MYOCD: variants seen among roughly 807,000 people sequenced by gnomAD.
MYOCD encodes myocardin.
In MYOCD, 32 loss-of-function variants were observed where a neutral mutation model predicts 96.1. That is an observed-to-expected ratio of 0.33 (90% confidence interval 0.25 to 0.45). The LOEUF is 0.45. MYOCD is among the 20% of genes least tolerant of loss of function. The pLI is 1.00. For synonymous variants in MYOCD, 469 were observed against 469.0 expected (o/e 1.00, Z 0.00); for missense variants, 1,133 against 1,200.6 (o/e 0.94, Z 0.83).
intron 1 of MYOCD, among the ~76,000 whole-genome samples, chr17:12,675,203 C>T (rs534648257): frequency 6.6e-6 from 1 of 152,236 alleles, no homozygotes; most frequent in Admixed American, 6.5e-5. Flanking sequence ...TTTTTAAAAA[C>T]TTCAAATTAG....
intron 1 of MYOCD, among the ~76,000 whole-genome samples, chr17:12,699,893 T>A (rs1217379624): frequency 8.4e-4 from 54 of 64,208 alleles, no homozygotes; most frequent in African/African-American, 1.5e-3. Context: ...TATATATTTC[T>A]TTTTTTTTTT....
In MYOCD at chr17:12,716,583, G is replaced by A. The variant is rs145648746; in HGVS notation, c.178-763G>A. Among the ~76,000 whole-genome samples the A allele has an allele frequency of 2.9e-4, 44 of 152,286 alleles. 1 individual carries two copies. The East Asian group carries it at 4.4e-3, about 15-fold the overall frequency. On this transcript the variant is annotated intron_variant, in intron 3 of 13. Coordinates refer to ENST00000425538, the MANE Select transcript of MYOCD (RefSeq NM_001146312.3). ...TTACATTTTCACATGTCCTAAAAGAGAAGTCAAGCGAATAACGGGAAAGAG... is the reference window on the plus strand; with the variant it reads ...TTACATTTTCACATGTCCTAAAAGAAAAGTCAAGCGAATAACGGGAAAGAG...
At chr17:12,669,651 C>T (rs2150625151) in intron 1 of MYOCD, among the ~76,000 whole-genome samples, 1 of 152,062 alleles carries the variant, frequency 6.6e-6, no homozygotes, top group Non-Finnish European at 1.5e-5. Context: ...CGGAGTCTCG[C>T]TCTGTTGCCC....
chr17:12,691,757 C>T (rs191858967), intron 1 of MYOCD, among the ~76,000 whole-genome samples: 1 of 152,176 alleles, frequency 6.6e-6, no homozygotes, highest in Non-Finnish European at 1.5e-5. Flanking sequence ...TTGGAACTTA[C>T]ACTCATGAGA....
At position 12,691,694 on chromosome 17, in the gene MYOCD, G is replaced by A. The variant is rs573690270; in HGVS notation, c.56-13434G>A. Among the ~76,000 whole-genome samples, 18 of 152,184 alleles carry A rather than the reference G, an allele frequency of 1.2e-4. No homozygotes were observed. The South Asian group carries it at 3.3e-3, about 28-fold the overall frequency. ...ATGGAAGAAATACATTAAAACACAA[G>A]GTATAATATGACTAAAGTTACTGTT... On this transcript the variant is annotated intron_variant, in intron 1 of 13. Transcript: ENST00000425538.
chr17:12,723,331 AGC>A (rs2031902755), intron 5 of MYOCD, among the ~76,000 whole-genome samples: 1 of 152,160 alleles, frequency 6.6e-6, no homozygotes, highest in South Asian at 2.1e-4. Flanking sequence ...GGTCCTGTTT[AGC>A]CTTCCTTGTT....
In MYOCD at chr17:12,763,449, C is replaced by T. The variant is rs1296629513; in HGVS notation, c.2766C>T (p.Asp922=). The change falls in exon 14 of 14, where the codon GAC becomes GAT. Residue 922 remains aspartate, a synonymous_variant. Transcript: ENST00000425538. ...CACAGTTTTCACCCTCTTCTGTGGA[C>T]AGCAATGGGCTGCAGTTAAGCTTCA... is the stretch of plus-strand genomic sequence containing the variant. ...MQTQFSPSSV[D]SNGLQLSFTE... is the part of the protein sequence containing the mutation. The T allele has an allele frequency of 1.9e-5, 30 of 1,613,916 alleles. No homozygotes were observed. The highest frequency in any genetic ancestry group is 2.5e-5 in the Non-Finnish European group (30 of 1,179,898).
At position 12,763,357 on chromosome 17, in the gene MYOCD, G is replaced by A. The variant is rs2033241774; in HGVS notation, c.2674G>A (p.Gly892Arg). ...TGATGGGATAATGGATGGATTCTCT[G>A]GGAAGGCTGCAGAAGACCTCTTCAA... ...HFDGIMDGFS[G>R]KAAEDLFNAH... Residue 892 changes from glycine (G) to arginine (R), a missense_variant, in exon 14 of 14, where the codon GGG becomes AGG. Gly to Arg is a moderately radical substitution (Grantham distance 125, BLOSUM62 -2). Transcript: ENST00000425538. 1.3e-6 allele frequency: 2 copies of A among 1,598,880 alleles called. No homozygotes were observed. Among genetic ancestry groups the A allele is most frequent in the East Asian group, 2.2e-5 (1 of 44,754 alleles).
intron 1 of MYOCD, among the ~76,000 whole-genome samples, chr17:12,668,982 C>T (rs1284050302): frequency 1.3e-5 from 2 of 152,090 alleles, no homozygotes; most frequent in Non-Finnish European, 2.9e-5. Context: ...CCTTTGGTAA[C>T]ATTTTATCAT....
chr17:12,763,497 G>A lies in MYOCD; in HGVS notation c.2814G>A (p.Met938Ile), dbSNP rs768879738. 9 of 1,614,174 alleles carry A rather than the reference G, an allele frequency of 5.6e-6. No homozygotes were observed. In the South Asian group the frequency reaches 9.9e-5, roughly 18 times the overall value. The change falls in exon 14 of 14, where the codon ATG becomes ATA. Residue 938 changes from methionine (M) to isoleucine (I), a missense_variant. Met to Ile is a conservative substitution (Grantham distance 10). Transcript: ENST00000425538. ...TCACTGAATCTCCCTGGGAAACCAT[G>A]GAGTGGCTGGACCTCACTCCGCCAA... ...LSFTESPWET[M>I]EWLDLTPPNS... is the part of the protein sequence containing the mutation.
At chr17:12,716,600 G>A (rs1385527563) in intron 3 of MYOCD, among the ~76,000 whole-genome samples, 4 of 152,092 alleles carry the variant, frequency 2.6e-5, no homozygotes, top group African/African-American at 9.7e-5. Context: ...AGCGAATAAC[G>A]GGAAAGAGGC....
intron 7 of MYOCD, among the ~76,000 whole-genome samples, chr17:12,740,863 C>G (rs539284491): frequency 6.6e-6 from 1 of 152,254 alleles, no homozygotes; most frequent in South Asian, 2.1e-4. Flanking sequence ...CTCAGCCTCC[C>G]CAGTAGCTGG....
chr17:12,683,019 A>G (rs1910572971), intron 1 of MYOCD, among the ~76,000 whole-genome samples: 1 of 152,208 alleles, frequency 6.6e-6, no homozygotes. Context: ...ACAGGACTGT[A>G]TTAGCGACTT....
At chr17:12,709,787 A>C (rs1453125555) in intron 2 of MYOCD, among the ~76,000 whole-genome samples, 2 of 152,156 alleles carry the variant, frequency 1.3e-5, no homozygotes, top group Non-Finnish European at 2.9e-5. Flanking sequence ...TAGGACAGAG[A>C]GTCCACCTCC....
chr17:12,698,729 CTTTTTTTTTT>C (rs55758881), intron 1 of MYOCD, among the ~76,000 whole-genome samples: 4 of 64,134 alleles, frequency 6.2e-5, no homozygotes, highest in Non-Finnish European at 8.2e-5. Flanking sequence ...ACCAGACCCT[CTTTTTTTTTT>C]TTTTTTTTTT....
chr17:12,756,639 T>A, intron 11 of MYOCD, 82 bp downstream of exon 11: 5 of 1,334,552 alleles, frequency 3.7e-6, no homozygotes, highest in Non-Finnish European at 5.0e-6. Context: ...GAAGTTGCAG[T>A]GAGCCGAGAT....
chr17:12,691,963 C>T (rs2030471696), intron 1 of MYOCD, among the ~76,000 whole-genome samples: 1 of 152,140 alleles, frequency 6.6e-6, no homozygotes, highest in Non-Finnish European at 1.5e-5. Context: ...CTTTTCAATT[C>T]TGTTAATAAT....
At position 12,768,888 on chromosome 17, in the gene MYOCD, C is replaced by CTTTT. The variant is rs368891778; in HGVS notation, c.*5247_*5250dup. The CTTTT allele has an allele frequency of 1.5e-5, 2 of 130,610 alleles. No homozygotes were observed. Among genetic ancestry groups the CTTTT allele is most frequent in the Admixed American group, 7.7e-5 (1 of 12,906 alleles). The allele number at this position is 130,610 out of a possible 1,614,324, so 8.1% of individuals were successfully genotyped here. A position where few individuals can be genotyped will look rare whatever the true frequency, so the allele number is the denominator to read the frequency against. ...TAAAATACCAAAGTTGGCATGTGTT[C>CTTTT]TTTTTTAAAAAAAAAAAAAAATGCA... On this transcript the variant is annotated 3_prime_UTR_variant, in exon 14 of 14. Coordinates refer to ENST00000425538, the MANE Select transcript of MYOCD (RefSeq NM_001146312.3).
chr17:12,739,148 G>C, intron 6 of MYOCD, 55 bp from the exon 7 acceptor site: 1 of 1,552,294 alleles, frequency 6.4e-7, no homozygotes. Context: ...TAACATTTCT[G>C]TGTCACACAA....
Sources: gnomAD v4.1 joint callset for allele counts (sites outside exome capture counted in the v4.1 genomes callset) on GRCh38, gnomAD v4.1.1 for gene constraint, MANE v1.5 for transcripts, NCBI Gene and HGNC (gene_info 2026-07-23, HGNC 2026-07-21) for gene names.